Variants in NCKAP5 observed in about 807,000 individuals in gnomAD.
NCKAP5 encodes the protein nck-associated protein 5.
Under a neutral mutation model 167.0 loss-of-function variants are expected in NCKAP5, and 92 were observed. The ratio of observed to expected loss-of-function variants is 0.55; its 90% CI spans 0.47 to 0.66. NCKAP5 has a LOEUF of 0.66. NCKAP5 is among the 30% of genes least tolerant of loss of function. The pLI, the probability that NCKAP5 is intolerant of heterozygous loss-of-function variation, is 0.00. For synonymous variants in NCKAP5, 891 were observed against 877.4 expected (o/e 1.02, Z -0.27); for missense variants, 2,378 against 2,315.0 (o/e 1.03, Z -0.56).
At chr2:133,386,470 A>T (rs983514719) in intron 3 of NCKAP5, among the ~76,000 whole-genome samples, 1 of 152,320 alleles carries the variant, frequency 6.6e-6, no homozygotes, top group South Asian at 2.1e-4. Context: ...ACTTCCAACT[A>T]TGTGGACAAT....
chr2:132,764,498 T>C (rs1379229724), intron 16 of NCKAP5, among the ~76,000 whole-genome samples: 3 of 152,224 alleles, frequency 2.0e-5, no homozygotes, highest in African/African-American at 7.2e-5. Flanking sequence ...CCCAAGCTAC[T>C]AATCTACAGT....
At chr2:133,029,304 C>T (rs182347710) in intron 6 of NCKAP5, among the ~76,000 whole-genome samples, 1 of 152,278 alleles carries the variant, frequency 6.6e-6, no homozygotes, top group Admixed American at 6.5e-5. Context: ...TATATTATGA[C>T]ATTTTCTTTT....
At position 132,784,016 on chromosome 2, in the gene NCKAP5, G is replaced by A; in HGVS notation, c.2795C>T (p.Pro932Leu). ...CAGCAGGGAGACGGACCTGCCTGGA[G>A]GGGGCGGAGGGGAAGGGGATTTCAC... is the stretch of plus-strand genomic sequence containing the variant. ...AGVKSPSPPP[P>L]PGRSVSLLAR... Residue 932 changes from proline to leucine, a missense_variant, in exon 14 of 20, where the codon CCT becomes CTT. This residue lies in a region of NCKAP5 where 1,325 missense variants were observed against 1,274.5 expected (regional missense o/e 1.04). Transcript: ENST00000409261. The A allele has an allele frequency of 1.3e-6, 2 of 1,567,186 alleles. No individual in the cohort carries two copies. The highest frequency in any genetic ancestry group is 1.7e-6 in the Non-Finnish European group (2 of 1,160,106).
At chr2:133,073,608 T>C (rs750268035) in intron 6 of NCKAP5, among the ~76,000 whole-genome samples, 9 of 152,186 alleles carry the variant, frequency 5.9e-5, no homozygotes, top group Non-Finnish European at 8.8e-5. Context: ...GCTGGCTGAT[T>C]GCTGAAAACA....
At chr2:132,911,113 G>C (rs558354919) in intron 8 of NCKAP5, 1 of 217,110 alleles carries the variant, frequency 4.6e-6, no homozygotes, top group African/African-American at 2.3e-5. Context: ...ACTGTGACTG[G>C]ATGTTTTTCC....
chr2:132,699,554 C>T (rs1216374008), intron 19 of NCKAP5, among the ~76,000 whole-genome samples: 1 of 151,844 alleles, frequency 6.6e-6, no homozygotes, highest in Non-Finnish European at 1.5e-5. Context: ...TGTTCAATTC[C>T]CACCTATGAG....
chr2:133,629,820 C>G, the NCKAP5 span, among the ~76,000 whole-genome samples: 1 of 152,158 alleles, frequency 6.6e-6, no homozygotes, highest in Non-Finnish European at 1.5e-5. Flanking sequence ...GAGATCATGT[C>G]CTTTGCAGGG....
chr2:133,389,960 T>G (rs1229873166), intron 3 of NCKAP5, among the ~76,000 whole-genome samples: 1 of 152,186 alleles, frequency 6.6e-6, no homozygotes, highest in Non-Finnish European at 1.5e-5. Flanking sequence ...AATATCTTGA[T>G]TAGAACAGCC....
At chr2:133,212,579 G>A (rs6728577) in intron 5 of NCKAP5, among the ~76,000 whole-genome samples, 68,425 of 151,892 alleles carry the variant, frequency 0.45, 16,063 homozygotes, top group Non-Finnish European at 0.51. Context: ...TGTTGGCCAC[G>A]CTGGTCTCCA....
At chr2:133,365,893 T>C (rs865777070) in intron 3 of NCKAP5, among the ~76,000 whole-genome samples, 1 of 152,248 alleles carries the variant, frequency 6.6e-6, no homozygotes, top group Non-Finnish European at 1.5e-5. Context: ...AAGCCTTTAG[T>C]AATTAAAGCA....
chr2:133,129,492 T>C (rs1245870047), intron 6 of NCKAP5, among the ~76,000 whole-genome samples: 1 of 152,256 alleles, frequency 6.6e-6, no homozygotes, highest in African/African-American at 2.4e-5. Flanking sequence ...ATCCAGTTTA[T>C]CGTTGTTGGA....
At chr2:132,808,617 C>T (rs1007841030) in intron 11 of NCKAP5, among the ~76,000 whole-genome samples, 1 of 152,020 alleles carries the variant, frequency 6.6e-6, no homozygotes, top group Non-Finnish European at 1.5e-5. Flanking sequence ...TCTCCTGTTT[C>T]GTTTCTTAGT....
the NCKAP5 span, among the ~76,000 whole-genome samples, chr2:133,634,689 G>C: frequency 6.6e-6 from 1 of 152,174 alleles, no homozygotes; most frequent in African/African-American, 2.4e-5. Flanking sequence ...GCTGACAGTG[G>C]AGCCGACATA....
At chr2:133,373,894 C>T (rs1401648381) in intron 3 of NCKAP5, among the ~76,000 whole-genome samples, 1 of 152,210 alleles carries the variant, frequency 6.6e-6, no homozygotes, top group Non-Finnish European at 1.5e-5. Flanking sequence ...AATCTAGACA[C>T]AGACCTCACA....
chr2:133,129,607 A>C lies in NCKAP5; in HGVS notation c.341+371T>G, dbSNP rs551429595. ...ATGATTTATAATCCTTTGGGTATAC[A>C]CCTAGTAATGGGATGGCTGGGTCAA... On this transcript the variant is annotated intron_variant, in intron 6 of 19. Transcript: ENST00000409261. Among the ~76,000 whole-genome samples, 29 of 152,232 alleles carry C rather than the reference A, an allele frequency of 1.9e-4. No homozygotes were observed. In the South Asian group the frequency reaches 3.9e-3, roughly 21 times the overall value.
intron 3 of NCKAP5, among the ~76,000 whole-genome samples, chr2:133,337,253 C>T (rs1683275697): frequency 6.6e-6 from 1 of 152,202 alleles, no homozygotes; most frequent in Admixed American, 6.5e-5. Context: ...ACTTCTTGAA[C>T]TTCCTCTAAA....
intron 8 of NCKAP5, among the ~76,000 whole-genome samples, chr2:132,924,811 T>C (rs1695722891): frequency 6.6e-6 from 1 of 152,056 alleles, no homozygotes; most frequent in South Asian, 2.1e-4. Context: ...ACATGAGACC[T>C]AGGGAGGTCT....
chr2:133,062,643 T>A (rs1048121224), intron 6 of NCKAP5, among the ~76,000 whole-genome samples: 1 of 152,206 alleles, frequency 6.6e-6, no homozygotes, highest in Admixed American at 6.5e-5. Flanking sequence ...GTGTGTGATC[T>A]GGTAGATGGC....
At chr2:132,827,713 CATT>C (rs1321735013) in intron 11 of NCKAP5, among the ~76,000 whole-genome samples, 5 of 152,148 alleles carry the variant, frequency 3.3e-5, no homozygotes, top group East Asian at 1.9e-4. Flanking sequence ...CTCAACAAGA[CATT>C]GTTGTGATCA....
Sources: gnomAD v4.1 joint callset for allele counts (sites outside exome capture counted in the v4.1 genomes callset) on GRCh38, gnomAD v4.1.1 for gene constraint, gnomAD v4.1.1 regional missense constraint, MANE v1.5 for transcripts, NCBI Gene and HGNC (gene_info 2026-07-23, HGNC 2026-07-21) for gene names.